Variants in CNTNAP5 observed in about 807,000 individuals in gnomAD.
CNTNAP5 encodes contactin associated protein family member 5.
A neutral mutation model predicts 150.2 loss-of-function variants in CNTNAP5; 72 were observed. That is an observed-to-expected ratio of 0.48 (90% confidence interval 0.40 to 0.58). The LOEUF (loss-of-function observed/expected upper bound fraction) is 0.58, where lower values mean the gene tolerates loss of function less well. CNTNAP5 is among the 20% of genes least tolerant of loss of function. The pLI is 0.00. For missense variants in CNTNAP5, 1,636 were observed against 1,626.2 expected (o/e 1.01, Z -0.10); for synonymous variants, 672 against 619.8 (o/e 1.08, Z -1.25).
chr2:124,677,942 G>A (rs1335050754), intron 13 of CNTNAP5, among the ~76,000 whole-genome samples: 1 of 151,966 alleles, frequency 6.6e-6, no homozygotes, highest in Non-Finnish European at 1.5e-5. Context: ...CAAGAGAGGA[G>A]TGGGCTGACC....
chr2:124,305,417 G>C (rs1688663950), intron 3 of CNTNAP5, among the ~76,000 whole-genome samples: 2 of 152,290 alleles, frequency 1.3e-5, no homozygotes, highest in East Asian at 3.9e-4. Context: ...CATGAGTATT[G>C]GCTGTTACCT....
At chr2:124,155,134 G>C (rs1170877510) in intron 1 of CNTNAP5, among the ~76,000 whole-genome samples, 2 of 81,592 alleles carry the variant, frequency 2.5e-5, no homozygotes, top group African/African-American at 9.9e-5. Context: ...TTTCCTTACT[G>C]TGAGCCAAAA....
chr2:124,511,874 T>C (rs563696243), intron 8 of CNTNAP5, among the ~76,000 whole-genome samples: 1 of 151,998 alleles, frequency 6.6e-6, no homozygotes, highest in African/African-American at 2.4e-5. Context: ...GGTTATGCTA[T>C]GACTCTTCAC....
chr2:124,135,097 C>T (rs1249411569), intron 1 of CNTNAP5: 1 of 151,568 alleles, frequency 6.6e-6, no homozygotes, highest in African/African-American at 2.4e-5. Context: ...GCAAGAAGAA[C>T]AAGAAGTAAG....
intron 1 of CNTNAP5, among the ~76,000 whole-genome samples, chr2:124,139,086 T>G (rs985780047): frequency 1.3e-5 from 2 of 152,242 alleles, no homozygotes; most frequent in Admixed American, 1.3e-4. Flanking sequence ...AATGAACCTG[T>G]GGGAATTATC....
chr2:124,030,391 G>A (rs1448021872), intron 1 of CNTNAP5, among the ~76,000 whole-genome samples: 1 of 152,000 alleles, frequency 6.6e-6, no homozygotes, highest in African/African-American at 2.4e-5. Flanking sequence ...CATATTCAAG[G>A]TTAGTAGAAG....
chr2:124,812,900 A>G (rs1038853704), intron 19 of CNTNAP5, among the ~76,000 whole-genome samples: 1 of 152,162 alleles, frequency 6.6e-6, no homozygotes, highest in Non-Finnish European at 1.5e-5. Flanking sequence ...TATTTCACTC[A>G]GAATAAATCT....
chr2:124,707,093 A>AGGAGGAGGAGG, intron 13 of CNTNAP5, among the ~76,000 whole-genome samples: 1 of 132,866 alleles, frequency 7.5e-6, no homozygotes, highest in African/African-American at 3.0e-5. Context: ...GAGGAAGAAG[A>AGGAGGAGGAGG]AGAAGAGGAA....
intron 6 of CNTNAP5, among the ~76,000 whole-genome samples, chr2:124,454,430 C>G (rs1229972430): frequency 2.0e-5 from 3 of 152,096 alleles, no homozygotes; most frequent in Non-Finnish European, 2.9e-5. Context: ...AACATACAGA[C>G]AGCAGCTAAA....
chr2:124,260,664 C>A (rs1170597), intron 3 of CNTNAP5, among the ~76,000 whole-genome samples: 3 of 151,770 alleles, frequency 2.0e-5, no homozygotes, highest in Non-Finnish European at 2.9e-5. Flanking sequence ...CTCAAATATC[C>A]GGTAATACTT....
Position 124,416,630 on chromosome 2 carries a change from G to A in CNTNAP5, c.382-813G>A, listed in dbSNP as rs560508440. Reference sequence around the variant, plus strand: ...CAGACTAATTACTAGCCAATTGGGTGATTTGGAGATTTTTTTCCTTCCCTT... The same window carrying A: ...CAGACTAATTACTAGCCAATTGGGTAATTTGGAGATTTTTTTCCTTCCCTT... On this transcript the variant is annotated intron_variant, in intron 3 of 23. Transcript: ENST00000682447. Among the ~76,000 whole-genome samples, 5 of 152,252 alleles carry A rather than the reference G, an allele frequency of 3.3e-5. No individual in the cohort carries two copies. The South Asian group carries it at 1.0e-3, about 32-fold the overall frequency.
At chr2:124,528,673 A>T (rs949913817) in intron 10 of CNTNAP5, among the ~76,000 whole-genome samples, 2 of 152,264 alleles carry the variant, frequency 1.3e-5, no homozygotes, top group Non-Finnish European at 2.9e-5. Context: ...ACCTGGTGTG[A>T]ATAAGTCCAG....
chr2:124,343,616 A>T (rs1203788333), intron 3 of CNTNAP5, among the ~76,000 whole-genome samples: 3 of 152,206 alleles, frequency 2.0e-5, no homozygotes, highest in African/African-American at 7.2e-5. Context: ...GAAGTTACAT[A>T]GTTGTAGAGA....
At chr2:124,527,922 T>C (rs989670167) in intron 10 of CNTNAP5, among the ~76,000 whole-genome samples, 3 of 152,070 alleles carry the variant, frequency 2.0e-5, no homozygotes, top group Non-Finnish European at 4.4e-5. Context: ...TTTGGCTGGT[T>C]TTTGCTCTTA....
intron 5 of CNTNAP5, among the ~76,000 whole-genome samples, chr2:124,436,318 T>C (rs1692530573): frequency 1.3e-5 from 2 of 152,206 alleles, no homozygotes; most frequent in African/African-American, 4.8e-5. Context: ...GATACATTCA[T>C]GGTGTGAATG....
intron 3 of CNTNAP5, among the ~76,000 whole-genome samples, chr2:124,251,718 A>G (rs948955095): frequency 6.6e-6 from 1 of 152,194 alleles, no homozygotes. Context: ...CACATAGATG[A>G]GAGCATGAAG....
At chr2:124,616,364 G>T (rs1355949015) in intron 12 of CNTNAP5, among the ~76,000 whole-genome samples, 1 of 152,048 alleles carries the variant, frequency 6.6e-6, no homozygotes, top group Non-Finnish European at 1.5e-5. Flanking sequence ...TCATGATCCG[G>T]CCTCTGCTAG....
chr2:124,535,606 C>CAAAA lies in CNTNAP5; in HGVS notation c.1649+8168_1649+8171dup, dbSNP rs1168717177. On this transcript the variant is annotated intron_variant, in intron 10 of 23. Transcript: ENST00000682447. ...GTGAAACCCCGTCTCTACTGAAATA[C>CAAAA]AAAAAAAAAAAAAAAAAAAAATTAG... Among the ~76,000 whole-genome samples the CAAAA allele has an allele frequency of 2.5e-4, 19 of 75,972 alleles. No homozygotes were observed. In the South Asian group the frequency reaches 4.6e-3, roughly 18 times the overall value. 49.8% of individuals were successfully genotyped at this position (75,972 alleles called of 152,430 possible).
chr2:124,309,957 T>C (rs963789434), intron 3 of CNTNAP5, among the ~76,000 whole-genome samples: 1 of 152,150 alleles, frequency 6.6e-6, no homozygotes, highest in Non-Finnish European at 1.5e-5. Context: ...GTTGGGTTAA[T>C]CAGCAAGCAT....
Sources: gnomAD v4.1 joint callset for allele counts (sites outside exome capture counted in the v4.1 genomes callset) on GRCh38, gnomAD v4.1.1 for gene constraint, MANE v1.5 for transcripts, NCBI Gene and HGNC (gene_info 2026-07-23, HGNC 2026-07-21) for gene names.